Variants in CFH observed in about 807,000 individuals in gnomAD.
CFH encodes the protein H factor 1 (complement).
In CFH, 53 loss-of-function variants were observed where a neutral mutation model predicts 147.3. That is an observed-to-expected ratio of 0.36 (90% confidence interval 0.29 to 0.45). The LOEUF is 0.45. Ranked by LOEUF, CFH falls within the 20% of genes least tolerant of loss-of-function variation. The probability of loss-of-function intolerance (pLI) is 1.00; values close to 1 mark genes in which losing one functional copy is unlikely to be tolerated. For missense variants in CFH, 1,380 were observed against 1,498.0 expected, an observed-to-expected ratio of 0.92 and a Z score of 1.30; for synonymous variants, 536 against 489.4, an observed-to-expected ratio of 1.10 and a Z score of -1.26.
chr1:196,652,751 G>A (rs1343689817), intron 1 of CFH, among the ~76,000 whole-genome samples: 2 of 151,738 alleles, frequency 1.3e-5, no homozygotes, highest in Non-Finnish European at 2.9e-5. Flanking sequence ...TAACAGTTAA[G>A]TTGTTCAATA....
chr1:196,710,367 T>G (rs940476733), intron 9 of CFH, among the ~76,000 whole-genome samples: 4 of 152,170 alleles, frequency 2.6e-5, no homozygotes, highest in Non-Finnish European at 5.9e-5. Context: ...GTGAACCTGA[T>G]AGTCTTATAA....
chr1:196,710,664 C>A (rs1255474361), intron 9 of CFH, among the ~76,000 whole-genome samples: 1 of 152,128 alleles, frequency 6.6e-6, no homozygotes, highest in Non-Finnish European at 1.5e-5. Context: ...TTCACTAGAA[C>A]TGGGACACAT....
At chr1:196,654,847 A>G (rs1386597611) in intron 1 of CFH, among the ~76,000 whole-genome samples, 5 of 152,144 alleles carry the variant, frequency 3.3e-5, no homozygotes, top group Non-Finnish European at 7.4e-5. Context: ...AAAGGAGAAT[A>G]GTGGTCTAAA....
intron 9 of CFH, among the ~76,000 whole-genome samples, chr1:196,694,669 T>C (rs1211904625): frequency 6.6e-6 from 1 of 152,176 alleles, no homozygotes; most frequent in Non-Finnish European, 1.5e-5. Flanking sequence ...GCACCTGTGG[T>C]TTCCAGATGT....
intron 11 of CFH, among the ~76,000 whole-genome samples, chr1:196,720,315 A>C (rs982213027): frequency 6.6e-6 from 1 of 151,924 alleles, no homozygotes; most frequent in African/African-American, 2.4e-5. Flanking sequence ...AGATGGTCCA[A>C]ATGCAGTTTT....
chr1:196,743,429 C>A, intron 19 of CFH, 23 bp from the exon 20 acceptor site: 2 of 1,613,804 alleles, frequency 1.2e-6, no homozygotes, highest in Non-Finnish European at 1.7e-6. Context: ...CTAGGTGGAA[C>A]CACTTCTTTT....
At chr1:196,742,965 T>C (rs916057550) in intron 19 of CFH, among the ~76,000 whole-genome samples, 1 of 152,218 alleles carries the variant, frequency 6.6e-6, no homozygotes, top group Non-Finnish European at 1.5e-5. Context: ...TCAAAATGTG[T>C]TTTTAATTCT....
intron 1 of CFH, among the ~76,000 whole-genome samples, chr1:196,656,858 T>A (rs1666711906): frequency 6.6e-6 from 1 of 152,220 alleles, no homozygotes; most frequent in South Asian, 2.1e-4. Flanking sequence ...TTGTTTTATC[T>A]CTAATTATGA....
In CFH at chr1:196,690,402, A is replaced by G. The variant is rs148046800; in HGVS notation, c.1336+163A>G. ...GTTTTTCAACTGTGTATAAATGAATATACAAATTTCTTGATAAGTACATAG... is the reference window on the plus strand; with the variant it reads ...GTTTTTCAACTGTGTATAAATGAATGTACAAATTTCTTGATAAGTACATAG... On this transcript the variant is annotated intron_variant, in intron 9 of 21. Transcript: ENST00000367429. 4.4e-5 allele frequency: 41 copies of G among 940,860 alleles called. No homozygotes were observed. In the African/African-American group the frequency reaches 4.7e-4, roughly 11 times the overall value. 58.3% of individuals were successfully genotyped at this position (940,860 alleles called of 1,614,324 possible). A position where few individuals can be genotyped will look rare whatever the true frequency, so the allele number is the denominator to read the frequency against.
chr1:196,654,359 GT>G (rs772959163), intron 1 of CFH, among the ~76,000 whole-genome samples: 2 of 151,760 alleles, frequency 1.3e-5, no homozygotes, highest in Non-Finnish European at 2.9e-5. Flanking sequence ...AATATATTGG[GT>G]ACTACATAGA....
chr1:196,686,441 G>A (rs1214930984), intron 7 of CFH, among the ~76,000 whole-genome samples: 1 of 152,040 alleles, frequency 6.6e-6, no homozygotes, highest in Non-Finnish European at 1.5e-5. Context: ...AGTCAATAGA[G>A]TATTTTATTT....
chr1:196,714,159 C>T (rs577984949), intron 10 of CFH, among the ~76,000 whole-genome samples: 3 of 152,006 alleles, frequency 2.0e-5, no homozygotes, highest in Non-Finnish European at 4.4e-5. Flanking sequence ...AGTTAGGGAG[C>T]TTTATGTGTA....
At chr1:196,666,525 G>A (rs1315349150) in intron 1 of CFH, among the ~76,000 whole-genome samples, 2 of 151,720 alleles carry the variant, frequency 1.3e-5, no homozygotes, top group Non-Finnish European at 2.9e-5. Context: ...GGTGGCTCAC[G>A]CCTGTAATCT....
chr1:196,715,978 C>A (rs931472078), intron 11 of CFH, among the ~76,000 whole-genome samples: 1 of 152,048 alleles, frequency 6.6e-6, no homozygotes, highest in South Asian at 2.1e-4. Context: ...GGGCCACCTA[C>A]CTTCCAGATT....
intron 3 of CFH, among the ~76,000 whole-genome samples, chr1:196,675,249 G>A (rs867398745): frequency 6.6e-6 from 1 of 152,060 alleles, no homozygotes; most frequent in South Asian, 2.1e-4. Context: ...TTCAAGTAGA[G>A]CATTTTTTAG....
In CFH at chr1:196,676,056, A is replaced by G. The variant is rs1351991613; in HGVS notation, c.418A>G (p.Ile140Val). The change falls in exon 4 of 22, where the codon ATA (isoleucine) becomes GTA (valine). Residue 140 changes from isoleucine (I) to valine (V), a missense_variant. Ile to Val is a conservative substitution (Grantham distance 29). Transcript: ENST00000367429. ...DTDGWTNDIP[I>V]CEVVKCLPVT... ...AGATGGATGGACCAATGATATTCCT[A>G]TATGTGAAGGTAGACATAAAATGTA... The G allele has an allele frequency of 1.3e-6, 2 of 1,593,196 alleles. No homozygotes were observed. The highest frequency in any genetic ancestry group is 1.7e-5 in the Admixed American group (1 of 59,884).
intron 9 of CFH, among the ~76,000 whole-genome samples, chr1:196,693,513 TA>T (rs1209857596): frequency 6.6e-6 from 1 of 152,082 alleles, no homozygotes; most frequent in Non-Finnish European, 1.5e-5. Context: ...CCAAGTAGAC[TA>T]TGTTTTTCCA....
intron 1 of CFH, among the ~76,000 whole-genome samples, chr1:196,663,140 G>A (rs1276195387): frequency 2.0e-5 from 3 of 152,010 alleles, no homozygotes; most frequent in Admixed American, 1.3e-4. Context: ...TTTTTTTACT[G>A]CTTGGAATTT....
At chr1:196,708,620 T>A (rs1668651176) in intron 9 of CFH, among the ~76,000 whole-genome samples, 3 of 146,460 alleles carry the variant, frequency 2.0e-5, no homozygotes, top group Non-Finnish European at 4.5e-5. Flanking sequence ...CATGAAAAAA[T>A]CCATCAATAA....
Sources: gnomAD v4.1 joint callset for allele counts (sites outside exome capture counted in the v4.1 genomes callset) on GRCh38, gnomAD v4.1.1 for gene constraint, MANE v1.5 for transcripts, NCBI Gene and HGNC (gene_info 2026-07-23, HGNC 2026-07-21) for gene names.